Variants in THSD7A observed in about 807,000 individuals in gnomAD.
The protein encoded by THSD7A is thrombospondin type-1 domain-containing protein 7A.
In THSD7A, 96 loss-of-function variants were observed where a neutral mutation model predicts 231.3. The ratio of observed to expected loss-of-function variants is 0.41; its 90% CI spans 0.35 to 0.49. The LOEUF is 0.49. Among genes scored for constraint, THSD7A ranks in the 20% least tolerant of loss-of-function variants. THSD7A has a pLI of 0.05. For synonymous variants in THSD7A, 940 were observed against 743.3 expected, an observed-to-expected ratio of 1.26 and a Z score of -4.30; for missense variants, 2,290 against 2,070.2, an observed-to-expected ratio of 1.11 and a Z score of -2.06.
intron 13 of THSD7A, among the ~76,000 whole-genome samples, chr7:11,432,569 T>C (rs935385930): frequency 6.6e-6 from 1 of 152,110 alleles, no homozygotes; most frequent in African/African-American, 2.4e-5. Flanking sequence ...TCATATAGTT[T>C]ATATCCATTT....
intron 1 of THSD7A, among the ~76,000 whole-genome samples, chr7:11,756,407 T>C (rs1299542012): frequency 6.6e-6 from 1 of 151,962 alleles, no homozygotes; most frequent in Non-Finnish European, 1.5e-5. Context: ...AGAAAGAATG[T>C]GGGAAATACT....
At chr7:11,830,848 G>A (rs146615417) in intron 1 of THSD7A, among the ~76,000 whole-genome samples, 64 of 152,252 alleles carry the variant, frequency 4.2e-4, no homozygotes, top group Non-Finnish European at 7.8e-4. Context: ...TGTTTGGCAT[G>A]ACCAAGTTAT....
At chr7:11,414,855 C>G in intron 17 of THSD7A, among the ~76,000 whole-genome samples, 1 of 152,204 alleles carries the variant, frequency 6.6e-6, no homozygotes, top group East Asian at 1.9e-4. Context: ...CTGCAGTGCA[C>G]TAGGAGAGGA....
At chr7:11,477,782 A>C (rs1786253731) in intron 7 of THSD7A, among the ~76,000 whole-genome samples, 1 of 152,134 alleles carries the variant, frequency 6.6e-6, no homozygotes, top group Non-Finnish European at 1.5e-5. Context: ...TTGTTAGACA[A>C]TAGTATTAGA....
intron 4 of THSD7A, among the ~76,000 whole-genome samples, chr7:11,546,202 G>GCGCGCACACACACACACACA (rs761841418): frequency 3.9e-5 from 5 of 129,444 alleles, no homozygotes; most frequent in East Asian, 2.3e-4. Context: ...GTGGGCGCGC[G>GCGCGCACACACACACACACA]CTCACACACA....
rs1782089837 is a variant in THSD7A, at chr7:11,372,384, T to C, written c.*3410A>G. On this transcript the variant is annotated 3_prime_UTR_variant, in exon 28 of 28. Transcript: ENST00000423059. ...CCTAGCAGAATGTCTTATATGTCAA[T>C]AAATATTTGCCTTGTTAGAAGTAAT... 6.7e-6 allele frequency: 1 copy of C among 150,034 alleles called. No individual in the cohort carries two copies. The highest frequency in any genetic ancestry group is 1.5e-5 in the Non-Finnish European group (1 of 67,656). The allele number at this position is 150,034 out of a possible 1,614,324, so 9.3% of individuals were successfully genotyped here.
rs370951439 is a variant in THSD7A at position 11,636,533 on chromosome 7, A to G, written c.619T>C (p.Ser207Pro). The change falls in exon 2 of 28, where the codon TCC (serine) becomes CCC (proline). Residue 207 changes from serine to proline, a missense_variant. By Grantham distance (74) the Ser-to-Pro change is moderately conservative. Transcript: ENST00000423059. The surrounding 1 kb of genome is among the most constrained non-coding windows in gnomAD (Gnocchi z 10.0). Reference sequence around the variant, plus strand: ...TGGAGCCCGCTGCCGCAGGTCTTGGAGCATTCGGACCAGGCAGAAAATTCA... The same window carrying G: ...TGGAGCCCGCTGCCGCAGGTCTTGGGGCATTCGGACCAGGCAGAAAATTCA... ...VSEFSAWSECSKTCGSGLQHR... is the reference protein window; with the variant it reads ...VSEFSAWSECPKTCGSGLQHR... The G allele has an allele frequency of 9.9e-6, 16 of 1,613,820 alleles. No homozygotes were observed. The highest frequency in any genetic ancestry group is 1.6e-4 in the Middle Eastern group (1 of 6,084).
At chr7:11,821,030 A>G in intron 1 of THSD7A, 1 of 979,374 alleles carries the variant, frequency 1.0e-6, no homozygotes, top group Non-Finnish European at 1.6e-6. Flanking sequence ...GTTTTCTGGG[A>G]CTTTTCATTT....
At chr7:11,705,512 C>A (rs894725064) in intron 1 of THSD7A, among the ~76,000 whole-genome samples, 1 of 150,942 alleles carries the variant, frequency 6.6e-6, no homozygotes, top group Non-Finnish European at 1.5e-5. Context: ...GCTCTTCACT[C>A]TCCTTTCTGT....
At chr7:11,774,222 A>G (rs1783327916) in intron 1 of THSD7A, among the ~76,000 whole-genome samples, 1 of 152,232 alleles carries the variant, frequency 6.6e-6, no homozygotes, top group African/African-American at 2.4e-5. Context: ...AGGCTAAATG[A>G]AACAGTCCAG....
At chr7:11,416,126 A>C (rs886928662) in intron 17 of THSD7A, among the ~76,000 whole-genome samples, 2 of 152,150 alleles carry the variant, frequency 1.3e-5, no homozygotes, top group African/African-American at 4.8e-5. Context: ...TTCCTATCCA[A>C]ACATTCCTAT....
At chr7:11,556,720 A>G (rs1789861270) in intron 4 of THSD7A, among the ~76,000 whole-genome samples, 1 of 151,926 alleles carries the variant, frequency 6.6e-6, no homozygotes, top group African/African-American at 2.4e-5. Context: ...TTCATTCTTG[A>G]AAGATATTTT....
At chr7:11,467,615 TCA>T (rs1785763375) in intron 9 of THSD7A, among the ~76,000 whole-genome samples, 1 of 152,174 alleles carries the variant, frequency 6.6e-6, no homozygotes, top group Admixed American at 6.5e-5. Flanking sequence ...ATGTGAGTTA[TCA>T]CAGTGTTTTA....
At chr7:11,549,983 C>T (rs966849853) in intron 4 of THSD7A, among the ~76,000 whole-genome samples, 6 of 151,942 alleles carry the variant, frequency 3.9e-5, no homozygotes, top group Admixed American at 3.9e-4. Context: ...GAAGTTCTAG[C>T]CAGTGAAATC....
chr7:11,745,295 T>C lies in THSD7A; in HGVS notation c.190+86462A>G, dbSNP rs567600868. Among the ~76,000 whole-genome samples the C allele has an allele frequency of 8.5e-5, 13 of 152,164 alleles. No homozygotes were observed. The East Asian group carries it at 1.7e-3, about 20-fold the overall frequency. ...GCCCACTTTTTGATGGGGTTGTTTGTTTTTTTCTTGTAAATTTGTTTGAGT... is the reference window on the plus strand; with the variant it reads ...GCCCACTTTTTGATGGGGTTGTTTGCTTTTTTCTTGTAAATTTGTTTGAGT... On this transcript the variant is annotated intron_variant, in intron 1 of 27. Transcript: ENST00000423059.
At chr7:11,430,287 A>C (rs1411146347) in intron 13 of THSD7A, among the ~76,000 whole-genome samples, 1 of 152,158 alleles carries the variant, frequency 6.6e-6, no homozygotes, top group African/African-American at 2.4e-5. Flanking sequence ...TGCAACCATC[A>C]TCACCATCTA....
chr7:11,596,403 AG>A, intron 2 of THSD7A, among the ~76,000 whole-genome samples: 1 of 152,256 alleles, frequency 6.6e-6, no homozygotes, highest in East Asian at 1.9e-4. Flanking sequence ...TCCAACTTAC[AG>A]TGGGTCCAGT....
chr7:11,820,991 T>A, intron 1 of THSD7A: 1 of 1,033,604 alleles, frequency 9.7e-7, no homozygotes. Flanking sequence ...CAGGATCATC[T>A]CTGTATTTTC....
At chr7:11,812,682 T>C (rs12699275) in intron 1 of THSD7A, among the ~76,000 whole-genome samples, 88,870 of 152,064 alleles carry the variant, frequency 0.58, 26,785 homozygotes, top group Middle Eastern at 0.71. Context: ...AATGCTAATT[T>C]AAGTCTTGGA....
Sources: gnomAD v4.1 joint callset for allele counts (sites outside exome capture counted in the v4.1 genomes callset) on GRCh38, gnomAD v4.1.1 for gene constraint, Gnocchi (gnomAD v3.1) non-coding constraint, MANE v1.5 for transcripts, NCBI Gene and HGNC (gene_info 2026-07-23, HGNC 2026-07-21) for gene names.